The following GLRA2 variants were observed in gnomAD, a reference collection of about 807,000 sequenced individuals.
The protein encoded by GLRA2 is glycine receptor alpha 2.
Under a neutral mutation model 31.6 loss-of-function variants are expected in GLRA2, and 11 were observed. The ratio of observed to expected loss-of-function variants is 0.35; its 90% confidence interval spans 0.22 to 0.58. The LOEUF (loss-of-function observed/expected upper bound fraction) is 0.58, where lower values mean the gene tolerates loss of function less well. Ranked by LOEUF, GLRA2 falls within the 20% of genes least tolerant of loss-of-function variation. GLRA2 has a pLI of 0.84. For missense variants in GLRA2, 212 were observed against 351.8 expected (o/e 0.60, Z 3.18); for synonymous variants, 132 against 134.0 (o/e 0.99, Z 0.10).
In GLRA2 at chrX:14,701,246, G is replaced by A. The variant is rs1272654699; in HGVS notation, c.1080+10387G>A. 5.4e-5 allele frequency among the ~76,000 whole-genome samples: 6 copies of A among 111,130 alleles called. No individual in the cohort carries two copies. In the Admixed American group the frequency reaches 5.8e-4, roughly 11 times the overall value. The stretch of plus-strand genomic sequence containing the variant: ...GGCTTAGGGTCCATCGGACGTAGGG[G>A]AAATTGGATATGTAGGGGCATCAAT... On this transcript the variant is annotated intron_variant, in intron 8 of 8. Coordinates refer to ENST00000218075, the MANE Select transcript of GLRA2 (RefSeq NM_002063.4).
chrX:14,456,507 A>G, the GLRA2 span, among the ~76,000 whole-genome samples: 1 of 110,628 alleles, frequency 9.0e-6, no homozygotes, highest in Non-Finnish European at 1.9e-5. Context: ...CTCCCCCTAT[A>G]CCTCCCTTCT....
At chrX:14,480,794 G>T in the GLRA2 span, among the ~76,000 whole-genome samples, 2 of 111,673 alleles carry the variant, frequency 1.8e-5, no homozygotes, top group South Asian at 7.5e-4. Context: ...GGGTAACGTG[G>T]TATCTCCAGG....
Position 14,583,681 on chromosome X carries a change from G to A in GLRA2, c.494+2275G>A, listed in dbSNP as rs1391936081. Among the ~76,000 whole-genome samples the A allele has an allele frequency of 3.6e-5, 4 of 112,156 alleles. No individual in the cohort carries two copies. In the Admixed American group the frequency reaches 3.8e-4, roughly 11 times the overall value. On this transcript the variant is annotated intron_variant, in intron 4 of 8. Coordinates refer to ENST00000218075, the MANE Select transcript of GLRA2 (RefSeq NM_002063.4). ...TTGAACCTGGGAGGCGGAGGTTGCA[G>A]TGAGCCGAGATAGTGCCACTGCACT...
At chrX:14,670,970 C>T (rs1178024644) in intron 7 of GLRA2, among the ~76,000 whole-genome samples, 3 of 111,671 alleles carry the variant, frequency 2.7e-5, no homozygotes, top group East Asian at 2.8e-4. Context: ...GAATGATTCT[C>T]GCACAGTATT....
At chrX:14,615,851 A>T (rs1351720569) in intron 7 of GLRA2, among the ~76,000 whole-genome samples, 1 of 111,741 alleles carries the variant, frequency 8.9e-6, no homozygotes, top group East Asian at 2.8e-4. Flanking sequence ...CTGCCAACCA[A>T]TACTTTTTGT....
At chrX:14,606,019 T>A (rs913324930) in intron 5 of GLRA2, among the ~76,000 whole-genome samples, 1 of 106,202 alleles carries the variant, frequency 9.4e-6, no homozygotes, top group Non-Finnish European at 1.9e-5. Flanking sequence ...CTTATTATTT[T>A]TTTTTTTTTG....
intron 2 of GLRA2, among the ~76,000 whole-genome samples, chrX:14,541,069 A>G (rs1010289147): frequency 9.0e-6 from 1 of 111,683 alleles, no homozygotes; most frequent in African/African-American, 3.2e-5. Context: ...CTGATTTAAC[A>G]TATTTGCTAA....
chrX:14,578,986 C>T (rs2089987157), intron 3 of GLRA2, among the ~76,000 whole-genome samples: 1 of 112,013 alleles, frequency 8.9e-6, no homozygotes, highest in African/African-American at 3.2e-5. Context: ...TCAAAGTGTA[C>T]AAAATGTGTC....
intron 8 of GLRA2, among the ~76,000 whole-genome samples, chrX:14,724,408 C>T (rs774881295): frequency 3.4e-4 from 37 of 109,074 alleles, no homozygotes; most frequent in Non-Finnish European, 6.1e-4. Flanking sequence ...GGTGCATCAC[C>T]GGAAGTCAGG....
intron 7 of GLRA2, among the ~76,000 whole-genome samples, chrX:14,675,436 A>G (rs1221667686): frequency 8.9e-6 from 1 of 111,983 alleles, no homozygotes; most frequent in Non-Finnish European, 1.9e-5. Context: ...GTACCGTCCA[A>G]TGCCCAACAA....
chrX:14,540,283 C>T (rs1478851401), intron 2 of GLRA2, among the ~76,000 whole-genome samples: 1 of 111,053 alleles, frequency 9.0e-6, no homozygotes, highest in Non-Finnish European at 1.9e-5. Flanking sequence ...ACTGAAGAAG[C>T]AAGGGAGGGA....
At chrX:14,473,974 C>T in the GLRA2 span, among the ~76,000 whole-genome samples, 1 of 111,362 alleles carries the variant, frequency 9.0e-6, no homozygotes, top group African/African-American at 3.3e-5. Flanking sequence ...TTTTCAGCGT[C>T]GTTTTTTACA....
intron 2 of GLRA2, among the ~76,000 whole-genome samples, chrX:14,571,298 G>A (rs188859503): frequency 3.6e-4 from 40 of 111,803 alleles, no homozygotes; most frequent in Middle Eastern, 4.7e-3. Context: ...CTAAGAACAT[G>A]TCCCTGTCAA....
At chrX:14,471,092 A>G in the GLRA2 span, among the ~76,000 whole-genome samples, 7 of 111,977 alleles carry the variant, frequency 6.3e-5, 1 homozygote, top group African/African-American at 2.3e-4. Context: ...CTTAAGGACA[A>G]ATGATCAGGC....
chrX:14,676,676 C>T (rs1468197749), intron 7 of GLRA2, among the ~76,000 whole-genome samples: 1 of 112,067 alleles, frequency 8.9e-6, no homozygotes, highest in Non-Finnish European at 1.9e-5. Context: ...TGGGGATAAA[C>T]ATCATGTAGA....
chrX:14,635,292 C>G (rs996001574), intron 7 of GLRA2, among the ~76,000 whole-genome samples: 1 of 111,459 alleles, frequency 9.0e-6, no homozygotes, highest in Non-Finnish European at 1.9e-5. Flanking sequence ...AGAAAAACAC[C>G]AAGCAGTTAG....
At chrX:14,572,300 C>T (rs1345542894) in intron 2 of GLRA2, among the ~76,000 whole-genome samples, 1 of 112,163 alleles carries the variant, frequency 8.9e-6, no homozygotes, top group Non-Finnish European at 1.9e-5. Context: ...TTTTAAATGA[C>T]ATTTCTCTTT....
chrX:14,480,004 TC>T, the GLRA2 span, among the ~76,000 whole-genome samples: 34 of 112,104 alleles, frequency 3.0e-4, no homozygotes, highest in East Asian at 8.7e-3. Context: ...GTGTATGTGT[TC>T]CCTTTTCTCT....
At chrX:14,635,204 A>G (rs903029335) in intron 7 of GLRA2, among the ~76,000 whole-genome samples, 2 of 112,121 alleles carry the variant, frequency 1.8e-5, no homozygotes, top group African/African-American at 6.5e-5. Context: ...ATCCTCCTGG[A>G]ATCACTAGTA....
Sources: gnomAD v4.1 joint callset for allele counts (sites outside exome capture counted in the v4.1 genomes callset) on GRCh38, gnomAD v4.1.1 for gene constraint, MANE v1.5 for transcripts, NCBI Gene and HGNC (gene_info 2026-07-23, HGNC 2026-07-21) for gene names.